The following PLOD2 variants were observed in gnomAD, a reference collection of about 807,000 sequenced individuals.
PLOD2 encodes the protein procollagen-lysine,2-oxoglutarate 5-dioxygenase 2, also known as lysine hydroxylase 2.
PLOD2 carries 65 observed loss-of-function variants against 101.0 expected under a neutral mutation model. The ratio of observed to expected loss-of-function variants is 0.64; its 90% CI spans 0.53 to 0.79. The LOEUF (loss-of-function observed/expected upper bound fraction) is 0.79, where lower values mean the gene tolerates loss of function less well. Ranked by LOEUF, PLOD2 falls within the 30% of genes least tolerant of loss-of-function variation. The probability of loss-of-function intolerance (pLI) is 0.00; values close to 1 mark genes in which losing one functional copy is unlikely to be tolerated. For missense variants in PLOD2, 909 were observed against 914.6 expected (o/e 0.99, Z 0.08); for synonymous variants, 314 against 302.9 (o/e 1.04, Z -0.38).
At chr3:146,111,117 T>C (rs1208041444) in intron 3 of PLOD2, among the ~76,000 whole-genome samples, 1 of 152,246 alleles carries the variant, frequency 6.6e-6, no homozygotes, top group Non-Finnish European at 1.5e-5. Context: ...TTCTTCCTCA[T>C]GGTTCATTCA....
At chr3:146,091,953 G>A in intron 7 of PLOD2, 52 bp from the exon 8 acceptor site, 4 of 936,854 alleles carry the variant, frequency 4.3e-6, no homozygotes, top group Non-Finnish European at 7.1e-6. Context: ...TCATCGGTGT[G>A]GTTTCATTCT....
chr3:146,071,431 C>A lies in PLOD2; in HGVS notation c.1849-8G>T. On this transcript the variant is annotated splice_region_variant and splice_polypyrimidine_tract_variant and intron_variant, in intron 17 of 19. Coordinates refer to ENST00000282903, the MANE Select transcript of PLOD2 (RefSeq NM_182943.3). The stretch of plus-strand genomic sequence containing the variant: ...ACCAGATATACGGCTATCCTAGAAA[C>A]AACATTAATGACATAATAAGCTGTA... The A allele has an allele frequency of 6.2e-7, 1 of 1,610,562 alleles. No homozygotes were observed. The highest frequency in any genetic ancestry group is 8.5e-7 in the Non-Finnish European group (1 of 1,177,500).
chr3:146,073,196 C>T (rs1936213053), intron 16 of PLOD2, 91 bp downstream of exon 16: 2 of 580,818 alleles, frequency 3.4e-6, no homozygotes, highest in Non-Finnish European at 6.2e-6. Context: ...AGTTTCTCCA[C>T]TTTCACATCT....
At chr3:146,158,676 T>C (rs2032419018) in intron 1 of PLOD2, among the ~76,000 whole-genome samples, 1 of 152,074 alleles carries the variant, frequency 6.6e-6, no homozygotes, top group African/African-American at 2.4e-5. Context: ...TTTTTGTTTT[T>C]TTGGTGCTCA....
Position 146,081,778 on chromosome 3 carries a change from G to A in PLOD2, c.1318C>T (p.Arg440Ter), listed in dbSNP as rs778254905. The change falls in exon 12 of 20, where the codon CGA becomes TGA. Residue 440 changes from arginine to a stop codon, truncating the protein, a stop_gained. Transcript: ENST00000282903. LOFTEE classifies it high-confidence loss of function. The stretch of plus-strand genomic sequence containing the variant: ...ACAATATCCACATAATCTTCAGATC[G>A]TGCATAGTATCCATCAGGACTCAAT... ...GALSPDGYYARSEDYVDIVQG... is the reference protein window; with the variant it reads ...GALSPDGYYA 2.2e-5 allele frequency: 35 copies of A among 1,609,582 alleles called. No homozygotes were observed. Among genetic ancestry groups the A allele is most frequent in the Middle Eastern group, 1.6e-4 (1 of 6,072 alleles).
intron 12 of PLOD2, among the ~76,000 whole-genome samples, chr3:146,079,885 T>A (rs1936472290): frequency 6.6e-6 from 1 of 152,128 alleles, no homozygotes; most frequent in African/African-American, 2.4e-5. Context: ...ATCTTAAATA[T>A]TTTATAGAAA....
chr3:146,079,032 G>A, intron 13 of PLOD2, 84 bp downstream of exon 13: 1 of 1,367,048 alleles, frequency 7.3e-7, no homozygotes, highest in South Asian at 1.2e-5. Context: ...CAAGACAAAG[G>A]GCATCAAAAC....
At chr3:146,083,888 T>C (rs905624851) in intron 11 of PLOD2, among the ~76,000 whole-genome samples, 5 of 151,972 alleles carry the variant, frequency 3.3e-5, no homozygotes, top group African/African-American at 1.2e-4. Flanking sequence ...GCCGGGAATT[T>C]TTTTTCTTTT....
intron 3 of PLOD2, among the ~76,000 whole-genome samples, chr3:146,119,663 A>G (rs1447199064): frequency 6.6e-6 from 1 of 151,748 alleles, no homozygotes; most frequent in Non-Finnish European, 1.5e-5. Flanking sequence ...TCATTGTTCA[A>G]TTCCCACCTA....
Position 146,134,016 on chromosome 3 carries a change from G to A in PLOD2, c.110-9787C>T, listed in dbSNP as rs1346877561. Among the ~76,000 whole-genome samples the A allele has an allele frequency of 2.0e-5, 3 of 152,058 alleles. No homozygotes were observed. The East Asian group carries it at 5.8e-4, about 29-fold the overall frequency. ...TTTAACCAGTAGGTTCAGGGGTCTA[G>A]CAATCACATCATTACTGAATAGTTG... is the stretch of plus-strand genomic sequence containing the variant. On this transcript the variant is annotated intron_variant, in intron 1 of 19. Coordinates refer to ENST00000282903, the MANE Select transcript of PLOD2 (RefSeq NM_182943.3).
chr3:146,077,779 CCTTA>C, intron 14 of PLOD2, 79 bp downstream of exon 14: 1 of 757,596 alleles, frequency 1.3e-6, no homozygotes, highest in Non-Finnish European at 2.2e-6. Flanking sequence ...CAAATAAGGC[CCTTA>C]AAGAAACTTT....
At chr3:146,105,340 G>C (rs1937518048) in intron 5 of PLOD2, 1 of 152,060 alleles carries the variant, frequency 6.6e-6, no homozygotes, top group Admixed American at 6.6e-5. Flanking sequence ...TCATCTCTTT[G>C]AATCTTCAGG....
intron 16 of PLOD2, 139 bp from the exon 17 acceptor site, chr3:146,072,804 A>AT: frequency 7.7e-6 from 5 of 650,578 alleles, no homozygotes; most frequent in Non-Finnish European, 1.1e-5. Flanking sequence ...TATTGACAGT[A>AT]TTTTTTTTCT....
intron 1 of PLOD2, among the ~76,000 whole-genome samples, chr3:146,152,338 T>G (rs957121895): frequency 1.3e-5 from 2 of 152,026 alleles, no homozygotes; most frequent in East Asian, 3.9e-4. Flanking sequence ...GAGCATCGCT[T>G]GAACCCGGGA....
chr3:146,114,514 C>A (rs1285854294), intron 3 of PLOD2, among the ~76,000 whole-genome samples: 1 of 152,120 alleles, frequency 6.6e-6, no homozygotes, highest in East Asian at 1.9e-4. Flanking sequence ...CAGATTACTG[C>A]AGCCACAAAA....
At chr3:146,079,817 A>G (rs1936469977) in intron 12 of PLOD2, among the ~76,000 whole-genome samples, 1 of 152,032 alleles carries the variant, frequency 6.6e-6, no homozygotes, top group Non-Finnish European at 1.5e-5. Context: ...TTACCAAAAT[A>G]CCACTGAATA....
chr3:146,094,037 G>A (rs1211235146), intron 7 of PLOD2, among the ~76,000 whole-genome samples: 1 of 152,146 alleles, frequency 6.6e-6, no homozygotes, highest in African/African-American at 2.4e-5. Context: ...TTTTCCTCAT[G>A]AAAACTAGAG....
In PLOD2 at chr3:146,072,676, T is replaced by C. The variant is rs376704588; in HGVS notation, c.1744-11A>G. 697 of 1,464,534 alleles carry C rather than the reference T, an allele frequency of 4.8e-4. No homozygotes were observed. Among genetic ancestry groups the C allele is most frequent in the Non-Finnish European group, 6.3e-4 (659 of 1,044,704 alleles). 90.7% of individuals were successfully genotyped at this position (1,464,534 alleles called of 1,614,324 possible). ...GACATCTGGACAGGGCTATAAAATA[T>C]GCATCATCGTTAGAAGACATAATAA... On this transcript the variant is annotated splice_polypyrimidine_tract_variant and intron_variant, in intron 16 of 19. Transcript: ENST00000282903.
chr3:146,090,598 G>A (rs1936939792), intron 8 of PLOD2, among the ~76,000 whole-genome samples: 1 of 151,516 alleles, frequency 6.6e-6, no homozygotes, highest in African/African-American at 2.4e-5. Flanking sequence ...GAAATATTCT[G>A]GCATTCTTTG....
Sources: allele counts gnomAD v4.1 joint callset (sites outside exome capture counted in the v4.1 genomes callset), GRCh38; gene constraint gnomAD v4.1.1; transcripts MANE v1.5; gene names NCBI Gene and HGNC (gene_info 2026-07-23, HGNC 2026-07-21).